Variants in EVI5L observed in about 807,000 individuals in gnomAD.
The protein encoded by EVI5L is ecotropic viral integration site 5 like.
In EVI5L, 30 loss-of-function variants were observed where a neutral mutation model predicts 106.1. The ratio of observed to expected loss-of-function variants is 0.28; its 90% CI spans 0.21 to 0.38. The LOEUF is 0.38. Among genes scored for constraint, EVI5L ranks in the 10% least tolerant of loss-of-function variants. The pLI, the probability that EVI5L is intolerant of heterozygous loss-of-function variation, is 1.00. For synonymous variants in EVI5L, 489 were observed against 483.3 expected (o/e 1.01, Z -0.15); for missense variants, 809 against 1,098.0 (o/e 0.74, Z 3.72).
chr19:7,861,554 A>G (rs1979799772), intron 14 of EVI5L, among the ~76,000 whole-genome samples: 1 of 152,230 alleles, frequency 6.6e-6, no homozygotes, highest in Non-Finnish European at 1.5e-5. Flanking sequence ...CTGCTGGGGC[A>G]GGTCCTCCAC....
At chr19:7,862,948 T>A in intron 17 of EVI5L, 24 bp from the exon 18 acceptor site, 1 of 1,441,552 alleles carries the variant, frequency 6.9e-7, no homozygotes, top group Non-Finnish European at 9.3e-7. Context: ...CCGCCCTCCT[T>A]TCCCCCCAAT....
chr19:7,837,806 C>T (rs538987839), intron 1 of EVI5L, among the ~76,000 whole-genome samples: 7 of 152,212 alleles, frequency 4.6e-5, no homozygotes, highest in African/African-American at 7.2e-5. Context: ...TGGGTTCAAG[C>T]GATTCTCCTG....
chr19:7,862,273 C>T lies in EVI5L; in HGVS notation c.1796C>T (p.Thr599Met), dbSNP rs976525772. The change falls in exon 16 of 20, where the codon ACG becomes ATG. Residue 599 changes from threonine to methionine, a missense_variant. This residue lies in a region of EVI5L where 452 missense variants were observed against 509.9 expected (regional missense o/e 0.89). Coordinates refer to ENST00000538904, the MANE Select transcript of EVI5L (RefSeq NM_001159944.3). ...CGGCAGCGCGTGGTGGAACTTGAGACGCAGGTGGACTCGGGGGGCCTGCTC... is the reference window on the plus strand; with the variant it reads ...CGGCAGCGCGTGGTGGAACTTGAGATGCAGGTGGACTCGGGGGGCCTGCTC... ...ELRQRVVELE[T>M]QDHIHRNLLN... 2 of 1,581,012 alleles carry T rather than the reference C, an allele frequency of 1.3e-6. No homozygotes were observed. Among genetic ancestry groups the T allele is most frequent in the Non-Finnish European group, 1.7e-6 (2 of 1,163,646 alleles).
At position 7,835,306 on chromosome 19, in the gene EVI5L, G is replaced by A. The variant is rs957977042; in HGVS notation, c.-48+4925G>A. Among the ~76,000 whole-genome samples, 1 of 151,716 alleles carries A rather than the reference G, an allele frequency of 6.6e-6. No homozygotes were observed. Among genetic ancestry groups the A allele is most frequent in the Non-Finnish European group, 1.5e-5 (1 of 67,940 alleles). On this transcript the variant is annotated intron_variant, in intron 1 of 19. Coordinates refer to ENST00000538904, the MANE Select transcript of EVI5L (RefSeq NM_001159944.3). This position sits in a 1 kb window ranked among gnomAD's most constrained non-coding sequence, Gnocchi z 4.1. ...GTGCATCACCTGAGGTCAGGAGTTC[G>A]AGACCAGCTTGGTTAACACAGTGAA...
rs767018098 is a variant in EVI5L, at chr19:7,853,103, C to A, written c.1005C>A (p.Ile335=). The change falls in exon 9 of 20, where the codon ATC becomes ATA. Residue 335 remains isoleucine, a synonymous_variant. Transcript: ENST00000538904. ...CCCCACAGTACTTCCAGAGAGTGAT[C>A]CCCCACCAGTTCGACAGCTGCCCGG... ...EGMSQYFQRV[I]PHQFDSCPDK... is the part of the protein sequence containing the mutation. 2 of 1,613,866 alleles carry A rather than the reference C, an allele frequency of 1.2e-6. No individual in the cohort carries two copies. The highest frequency in any genetic ancestry group is 2.2e-5 in the East Asian group (1 of 44,870).
Position 7,863,290 on chromosome 19 carries a change from C to A in EVI5L, c.2139+10C>A. Reference sequence around the variant, plus strand: ...GGAGCTGAAGGCCGAGGTGAGCCGGCGCGGGGATGCCGGGGACAGGCCTGG... The same window carrying A: ...GGAGCTGAAGGCCGAGGTGAGCCGGAGCGGGGATGCCGGGGACAGGCCTGG... On this transcript the variant is annotated intron_variant, in intron 19 of 19. Coordinates refer to ENST00000538904, the MANE Select transcript of EVI5L (RefSeq NM_001159944.3). The surrounding 1 kb of genome is among the most constrained non-coding windows in gnomAD (Gnocchi z 7.7). 4 of 1,552,584 alleles carry A rather than the reference C, an allele frequency of 2.6e-6. No individual in the cohort carries two copies. Among genetic ancestry groups the A allele is most frequent in the Non-Finnish European group, 3.5e-6 (4 of 1,148,140 alleles).
chr19:7,853,473 G>A lies in EVI5L; in HGVS notation c.1146+140G>A, dbSNP rs1418483424. On this transcript the variant is annotated intron_variant, in intron 10 of 19. Transcript: ENST00000538904. ...GGCGGTCCTTGGCGGACAGGCCTCC[G>A]CCCACCTGCGCCGTCCTTCACCTGT... is the stretch of plus-strand genomic sequence containing the variant. The A allele has an allele frequency of 4.5e-6, 5 of 1,118,696 alleles. No individual in the cohort carries two copies. The Admixed American group carries it at 6.6e-5, about 15-fold the overall frequency. 69.3% of individuals were successfully genotyped at this position (1,118,696 alleles called of 1,614,324 possible). A position where few individuals can be genotyped will look rare whatever the true frequency, so the allele number is the denominator to read the frequency against.
chr19:7,862,950 C>T (rs754486009), intron 17 of EVI5L, 22 bp from the exon 18 acceptor site: 3 of 1,128,846 alleles, frequency 2.7e-6, no homozygotes, highest in Non-Finnish European at 3.8e-6. Context: ...GCCCTCCTTT[C>T]CCCCCAATCC....
At chr19:7,837,294 G>T (rs1037457775) in intron 1 of EVI5L, among the ~76,000 whole-genome samples, 1 of 151,604 alleles carries the variant, frequency 6.6e-6, no homozygotes, top group African/African-American at 2.4e-5. Context: ...TCACACCACT[G>T]CACTCCAGCC....
rs948099276 is a variant in EVI5L, at chr19:7,835,129, C to G, written c.-48+4748C>G. On this transcript the variant is annotated intron_variant, in intron 1 of 19. Transcript: ENST00000538904. The surrounding 1 kb of genome is among the most constrained non-coding windows in gnomAD (Gnocchi z 4.1). Reference sequence around the variant, plus strand: ...TGCAGCCTGGGTGACAAAACAAGACCCTGTCTCTAAAAATAAAATAAAAAT... The same window carrying G: ...TGCAGCCTGGGTGACAAAACAAGACGCTGTCTCTAAAAATAAAATAAAAAT... Among the ~76,000 whole-genome samples the G allele has an allele frequency of 1.3e-5, 2 of 148,220 alleles. No homozygotes were observed. Among genetic ancestry groups the G allele is most frequent in the African/African-American group, 5.0e-5 (2 of 40,042 alleles).
chr19:7,851,479 C>T lies in EVI5L; in HGVS notation c.799C>T (p.His267Tyr), dbSNP rs376634973. Residue 267 changes from histidine to tyrosine, a missense_variant, in exon 7 of 20, where the codon CAC becomes TAC. By Grantham distance (83) the His-to-Tyr change is moderately conservative. Transcript: ENST00000538904. ...LNTHFRSQSF[H>Y]TSMYASSWFL... ...CACCCACTTCCGTTCCCAAAGCTTC[C>T]ACACATCCATGTATGCCTCGTCCTG... 10 of 1,613,186 alleles carry T rather than the reference C, an allele frequency of 6.2e-6. No homozygotes were observed. The highest frequency in any genetic ancestry group is 2.7e-5 in the African/African-American group (2 of 74,898).
Position 7,848,343 on chromosome 19 carries a change from T to C in EVI5L, c.327+422T>C, listed in dbSNP as rs1979063310. On this transcript the variant is annotated intron_variant, in intron 3 of 19. Coordinates refer to ENST00000538904, the MANE Select transcript of EVI5L (RefSeq NM_001159944.3). The surrounding 1 kb of genome is among the most constrained non-coding windows in gnomAD (Gnocchi z 4.8). Reference sequence around the variant, plus strand: ...CGGGCGCAGTGGCTCACGCCTGTAATCCCAGTTCGTTGGAAGGTCGAGGCA... The same window carrying C: ...CGGGCGCAGTGGCTCACGCCTGTAACCCCAGTTCGTTGGAAGGTCGAGGCA... Among the ~76,000 whole-genome samples, 1 of 152,124 alleles carries C rather than the reference T, an allele frequency of 6.6e-6. No individual in the cohort carries two copies. The highest frequency in any genetic ancestry group is 2.4e-5 in the African/African-American group (1 of 41,410).
At chr19:7,849,223 G>A (rs181127468) in intron 4 of EVI5L, 33 bp from the exon 5 acceptor site, 27 of 1,613,814 alleles carry the variant, frequency 1.7e-5, no homozygotes, top group Middle Eastern at 1.6e-4. Flanking sequence ...GCTGGACGGC[G>A]GGACCCTGCT....
rs369671622 is a variant in EVI5L at position 7,846,516 on chromosome 19, C to G, written c.-27C>G. The G allele has an allele frequency of 1.3e-6, 2 of 1,595,226 alleles. No homozygotes were observed. Among genetic ancestry groups the G allele is most frequent in the African/African-American group, 1.4e-5 (1 of 73,944 alleles). ...CCCAGACAGAGCTGTGAACCAACCC[C>G]GCTCACGGCTAACAAGCCCACCCAC... On this transcript the variant is annotated 5_prime_UTR_variant, in exon 2 of 20. Coordinates refer to ENST00000538904, the MANE Select transcript of EVI5L (RefSeq NM_001159944.3).
chr19:7,831,893 G>C (rs1978294868), intron 1 of EVI5L, among the ~76,000 whole-genome samples: 1 of 152,270 alleles, frequency 6.6e-6, no homozygotes, highest in Admixed American at 6.5e-5. Context: ...AAACAAAACA[G>C]CTTCCTTCTA....
intron 1 of EVI5L, among the ~76,000 whole-genome samples, chr19:7,838,987 C>A (rs1430439781): frequency 6.7e-6 from 1 of 149,786 alleles, no homozygotes. Context: ...CAGAGCAAAA[C>A]CCTGTCTCTA....
At chr19:7,830,455 C>A (rs1412182450) in intron 1 of EVI5L, 74 bp downstream of exon 1, 3 of 151,374 alleles carry the variant, frequency 2.0e-5, no homozygotes, top group East Asian at 3.9e-4. Context: ...CGCGGGGAAC[C>A]GGCAGGACCG....
rs1978329721 is a variant in EVI5L, at chr19:7,835,776, A to G, written c.-48+5395A>G. On this transcript the variant is annotated intron_variant, in intron 1 of 19. Transcript: ENST00000538904. This position sits in a 1 kb window ranked among gnomAD's most constrained non-coding sequence, Gnocchi z 4.1. ...GTTGTCCGCCCACACCTTGCCAAGG[A>G]CGAGAGGACCTAAGGTGCTAGGTTG... Among the ~76,000 whole-genome samples the G allele has an allele frequency of 6.6e-6, 1 of 152,200 alleles. No homozygotes were observed.
Position 7,848,906 on chromosome 19 carries a change from C to A in EVI5L, c.328-15C>A. On this transcript the variant is annotated splice_polypyrimidine_tract_variant and intron_variant, in intron 3 of 19. Coordinates refer to ENST00000538904, the MANE Select transcript of EVI5L (RefSeq NM_001159944.3). This position sits in a 1 kb window ranked among gnomAD's most constrained non-coding sequence, Gnocchi z 4.8. ...GGGACCGAGTCCAGCCCCCGCTTCC[C>A]GCTCCCGTGGCCAGGAGCTGATCCG... 1 of 1,601,384 alleles carries A rather than the reference C, an allele frequency of 6.2e-7. No individual in the cohort carries two copies. Among genetic ancestry groups the A allele is most frequent in the South Asian group, 1.1e-5 (1 of 90,646 alleles).
Sources: gnomAD v4.1 joint callset for allele counts (sites outside exome capture counted in the v4.1 genomes callset) on GRCh38, gnomAD v4.1.1 for gene constraint, gnomAD v4.1.1 regional missense constraint, Gnocchi (gnomAD v3.1) non-coding constraint, MANE v1.5 for transcripts, NCBI Gene and HGNC (gene_info 2026-07-23, HGNC 2026-07-21) for gene names.